The following RPH3AL variants were observed in gnomAD, a reference collection of about 807,000 sequenced individuals.
RPH3AL encodes the protein rabphilin 3A like (without C2 domains).
RPH3AL carries 38 observed loss-of-function variants against 43.1 expected under a neutral mutation model. That is an observed-to-expected ratio of 0.88 (90% confidence interval 0.68 to 1.15). The LOEUF (loss-of-function observed/expected upper bound fraction) is 1.15, where lower values mean the gene tolerates loss of function less well. Among genes scored for constraint, RPH3AL ranks in the 50% most tolerant of loss-of-function variants. RPH3AL has a pLI of 0.00. For missense variants in RPH3AL, 462 were observed against 423.2 expected (o/e 1.09, Z -0.81); for synonymous variants, 189 against 176.3 (o/e 1.07, Z -0.57).
intron 1 of RPH3AL, among the ~76,000 whole-genome samples, chr17:339,878 C>T (rs760476314): frequency 2.0e-4 from 31 of 152,084 alleles, no homozygotes; most frequent in Non-Finnish European, 4.1e-4. Context: ...AGAACTGGGC[C>T]GGGGCAGCCT....
At chr17:239,461 TTCTC>T (rs2041476730) in intron 7 of RPH3AL, among the ~76,000 whole-genome samples, 1 of 152,198 alleles carries the variant, frequency 6.6e-6, no homozygotes. Flanking sequence ...AGGCTACCCT[TTCTC>T]TACTCTTGTC....
intron 1 of RPH3AL, among the ~76,000 whole-genome samples, chr17:348,557 G>A (rs1430651995): frequency 6.7e-6 from 1 of 149,448 alleles, no homozygotes; most frequent in South Asian, 2.1e-4. Flanking sequence ...AAAGTAAAGT[G>A]CTACCAAATG....
chr17:321,603 C>T lies in RPH3AL; in HGVS notation c.78-188G>A, dbSNP rs34171819. 4.0e-3 allele frequency: 1,801 copies of T among 454,486 alleles called. 8 individuals carry two copies. The highest frequency in any genetic ancestry group is 0.01 in the East Asian group (236 of 23,568). The allele number at this position is 454,486 out of a possible 1,614,324, so 28.2% of individuals were successfully genotyped here. On this transcript the variant is annotated intron_variant, in intron 3 of 9. Coordinates refer to ENST00000331302, the MANE Select transcript of RPH3AL (RefSeq NM_006987.4). ...GAGATGGCCCAGGTGGCAACAGAGA[C>T]GGCCCAGGTGGCAACAGAGACGGCC... is the stretch of plus-strand genomic sequence containing the variant.
rs1567596887 is a variant in RPH3AL at position 264,343 on chromosome 17, C to CGA, written c.439-17059_439-17058insTC. 9.5e-4 allele frequency among the ~76,000 whole-genome samples: 52 copies of CGA among 54,582 alleles called. 1 individual carries two copies. Among genetic ancestry groups the CGA allele is most frequent in the African/African-American group, 3.8e-3 (50 of 13,296 alleles). The allele number at this position is 54,582 out of a possible 152,430, so 35.8% of individuals were successfully genotyped here. A position where few individuals can be genotyped will look rare whatever the true frequency, so the allele number is the denominator to read the frequency against. ...AGCAGGATTACCCTTCGGAGCCGTG[C>CGA]GCGCTGGATGGGGACTCAGAATCCG... On this transcript the variant is annotated intron_variant, in intron 6 of 9. Coordinates refer to ENST00000331302, the MANE Select transcript of RPH3AL (RefSeq NM_006987.4). The surrounding 1 kb of genome is among the most constrained non-coding windows in gnomAD (Gnocchi z 4.8).
chr17:349,266 G>A (rs2045308912), intron 1 of RPH3AL: 1 of 152,154 alleles, frequency 6.6e-6, no homozygotes, highest in African/African-American at 2.4e-5. Context: ...GCCTGGGCAG[G>A]TTAGTGACTG....
chr17:252,044 C>T (rs1302836222), intron 6 of RPH3AL, among the ~76,000 whole-genome samples: 13 of 151,178 alleles, frequency 8.6e-5, no homozygotes, highest in Non-Finnish European at 1.6e-4. Flanking sequence ...GCAATCGGCT[C>T]ACTGCAGCCT....
chr17:349,833 T>C (rs2045318914), intron 1 of RPH3AL, among the ~76,000 whole-genome samples: 1 of 152,166 alleles, frequency 6.6e-6, no homozygotes, highest in African/African-American at 2.4e-5. Context: ...GCAGCTGACA[T>C]TTCTGTAACA....
intron 5 of RPH3AL, among the ~76,000 whole-genome samples, chr17:315,588 C>T (rs71355215): frequency 8.7e-5 from 12 of 138,532 alleles, no homozygotes; most frequent in Admixed American, 3.7e-4. Context: ...ACCTGTAGTC[C>T]CTGTGCTCCA....
At chr17:224,626 G>T (rs1050327218) in intron 7 of RPH3AL, among the ~76,000 whole-genome samples, 1 of 152,186 alleles carries the variant, frequency 6.6e-6, no homozygotes, top group Non-Finnish European at 1.5e-5. Context: ...AGGCTGGTGT[G>T]GCTCTCCTCT....
chr17:316,057 A>G, intron 5 of RPH3AL, among the ~76,000 whole-genome samples: 1 of 135,708 alleles, frequency 7.4e-6, no homozygotes, highest in East Asian at 2.3e-4. Context: ...CTGTGACTCC[A>G]CCTCCAGTGA....
chr17:214,378 G>C (rs1203844278), intron 9 of RPH3AL, among the ~76,000 whole-genome samples: 1 of 152,204 alleles, frequency 6.6e-6, no homozygotes, highest in Non-Finnish European at 1.5e-5. Context: ...CCCTGTGAAG[G>C]ACACCGTACC....
chr17:340,444 C>G (rs1200595946), intron 1 of RPH3AL, among the ~76,000 whole-genome samples: 1,813 of 24,292 alleles, frequency 0.075, 598 homozygotes, highest in Admixed American at 0.098. Flanking sequence ...TCACTGCCCC[C>G]CACCCAGGCC....
At chr17:275,241 ACAAAAAAC>A (rs757558180) in intron 6 of RPH3AL, among the ~76,000 whole-genome samples, 12,433 of 141,436 alleles carry the variant, frequency 0.088, 703 homozygotes, top group East Asian at 0.17. Context: ...AGCAAAAAAA[ACAAAAAAC>A]AAAAAAAGGA....
In RPH3AL at chr17:328,976, C is replaced by T. The variant is rs1002601756; in HGVS notation, c.-36-1397G>A. Among the ~76,000 whole-genome samples, 3 of 152,064 alleles carry T rather than the reference C, an allele frequency of 2.0e-5. No homozygotes were observed. Among genetic ancestry groups the T allele is most frequent in the African/African-American group, 7.2e-5 (3 of 41,392 alleles). ...GGTGAGGAGTGGTTGTCAGGGGTTGCAGGAAGAGGGGAACAGACTCCCAGT... is the reference window on the plus strand; with the variant it reads ...GGTGAGGAGTGGTTGTCAGGGGTTGTAGGAAGAGGGGAACAGACTCCCAGT... On this transcript the variant is annotated intron_variant, in intron 2 of 9. Coordinates refer to ENST00000331302, the MANE Select transcript of RPH3AL (RefSeq NM_006987.4). This position sits in a 1 kb window ranked among gnomAD's most constrained non-coding sequence, Gnocchi z 4.2.
chr17:334,437 G>C (rs4991959), intron 1 of RPH3AL, among the ~76,000 whole-genome samples: 24 of 151,106 alleles, frequency 1.6e-4, no homozygotes, highest in African/African-American at 2.2e-4. Flanking sequence ...AACCACCCCA[G>C]CAAGTGCAGC....
chr17:312,155 G>C (rs9901402), intron 5 of RPH3AL, among the ~76,000 whole-genome samples: 14,684 of 152,142 alleles, frequency 0.097, 741 homozygotes, highest in African/African-American at 0.11. Context: ...TTAAAAATTA[G>C]ACAGGCGTGG....
At chr17:348,038 T>G (rs1179171117) in intron 1 of RPH3AL, among the ~76,000 whole-genome samples, 1 of 142,294 alleles carries the variant, frequency 7.0e-6, no homozygotes. Flanking sequence ...AAAAGAAAAA[T>G]GAGGCTACTC....
At chr17:302,341 G>A (rs2043349737) in intron 5 of RPH3AL, among the ~76,000 whole-genome samples, 1 of 152,222 alleles carries the variant, frequency 6.6e-6, no homozygotes, top group Non-Finnish European at 1.5e-5. Context: ...TCTCGCAGGT[G>A]TAGCAGGCCA....
chr17:251,529 T>C (rs1555542570), intron 6 of RPH3AL, among the ~76,000 whole-genome samples: 1 of 152,230 alleles, frequency 6.6e-6, no homozygotes, highest in African/African-American at 2.4e-5. Flanking sequence ...GCAAAGCAGA[T>C]GCTCACTAAA....
Sources: allele counts gnomAD v4.1 joint callset (sites outside exome capture counted in the v4.1 genomes callset), GRCh38; gene constraint gnomAD v4.1.1; non-coding constraint Gnocchi (gnomAD v3.1); transcripts MANE v1.5; gene names NCBI Gene and HGNC (gene_info 2026-07-23, HGNC 2026-07-21).